Variants in ARHGAP32 observed in about 807,000 individuals in gnomAD.
The protein encoded by ARHGAP32 is Rho GTPase activating protein 32.
In ARHGAP32, 51 loss-of-function variants were observed where a neutral mutation model predicts 186.5. The ratio of observed to expected loss-of-function variants is 0.27; its 90% CI spans 0.22 to 0.35. The LOEUF (loss-of-function observed/expected upper bound fraction) is 0.35, where lower values mean the gene tolerates loss of function less well. Ranked by LOEUF, ARHGAP32 falls within the 10% of genes least tolerant of loss-of-function variation. ARHGAP32 has a pLI of 1.00. For synonymous variants in ARHGAP32, 950 were observed against 964.3 expected, an observed-to-expected ratio of 0.99 and a Z score of 0.27; for missense variants, 2,186 against 2,623.5, an observed-to-expected ratio of 0.83 and a Z score of 3.64.
At chr11:129,136,964 T>G (rs1001755531) in intron 2 of ARHGAP32, among the ~76,000 whole-genome samples, 3 of 151,990 alleles carry the variant, frequency 2.0e-5, no homozygotes, top group Non-Finnish European at 2.9e-5. Flanking sequence ...AAGTATAAGG[T>G]TATTCTCTGC....
intron 8 of ARHGAP32, among the ~76,000 whole-genome samples, chr11:129,064,304 A>AT (rs1940615450): frequency 6.6e-6 from 1 of 152,124 alleles, no homozygotes; most frequent in South Asian, 2.1e-4. Flanking sequence ...TTTACAAGAG[A>AT]TTCAATACTT....
rs1050239393 is a variant in ARHGAP32, at chr11:129,242,993, G to A, written c.-5+36153C>T. 7.9e-5 allele frequency among the ~76,000 whole-genome samples: 12 copies of A among 151,892 alleles called. No individual in the cohort carries two copies. In the South Asian group the frequency reaches 8.3e-4, roughly 11 times the overall value. ...CAATGGCTTCATCTACCACCTCTAC[G>A]CATGCAACTTAAGTACAAATCCATA... On this transcript the variant is annotated intron_variant, in intron 1 of 6. Transcript: ENST00000525234.
intron 5 of ARHGAP32, among the ~76,000 whole-genome samples, chr11:129,099,792 G>T (rs1187601143): frequency 6.6e-6 from 1 of 152,164 alleles, no homozygotes; most frequent in East Asian, 1.9e-4. Flanking sequence ...GCAGCCAGGT[G>T]AAACAGCTCC....
At position 129,180,155 on chromosome 11, in the gene ARHGAP32, T is replaced by G. The variant is rs192642135; in HGVS notation, c.116+11928A>C. On this transcript the variant is annotated intron_variant, in intron 1 of 22. Coordinates refer to ENST00000682385, the MANE Select transcript of ARHGAP32 (RefSeq NM_001378024.1). ...AGAAAAAATAAATCAACAATACTAG[T>G]TTTAATATTTTTCATACAATAGACT... Among the ~76,000 whole-genome samples the G allele has an allele frequency of 4.6e-3, 695 of 152,154 alleles. 3 individuals are homozygous for G. Among genetic ancestry groups the G allele is most frequent in the Non-Finnish European group, 7.1e-3 (482 of 67,980 alleles).
chr11:129,224,829 G>A (rs1944757951), intron 1 of ARHGAP32, among the ~76,000 whole-genome samples: 1 of 150,826 alleles, frequency 6.6e-6, no homozygotes, highest in Admixed American at 6.6e-5. Context: ...AATATTTAGA[G>A]GGCCAGGTGG....
At chr11:129,151,107 A>G (rs1356708914) in intron 2 of ARHGAP32, among the ~76,000 whole-genome samples, 1 of 152,158 alleles carries the variant, frequency 6.6e-6, no homozygotes, top group Non-Finnish European at 1.5e-5. Flanking sequence ...CAGACTTTAA[A>G]GCAAAAACAG....
intron 10 of ARHGAP32, among the ~76,000 whole-genome samples, chr11:129,056,187 G>C (rs112176505): frequency 6.6e-6 from 1 of 152,174 alleles, no homozygotes; most frequent in Non-Finnish European, 1.5e-5. Context: ...GGAAGGTATA[G>C]GTGAGGGGAG....
chr11:128,983,975 TA>T (rs1441432981), intron 15 of ARHGAP32, among the ~76,000 whole-genome samples: 1 of 152,126 alleles, frequency 6.6e-6, no homozygotes, highest in Non-Finnish European at 1.5e-5. Flanking sequence ...ATATTGAGAA[TA>T]ATAATTTAGA....
intron 1 of ARHGAP32, among the ~76,000 whole-genome samples, chr11:129,259,504 C>T (rs981957732): frequency 2.0e-5 from 3 of 151,740 alleles, no homozygotes; most frequent in Admixed American, 6.6e-5. Context: ...ACATTTATTA[C>T]TTCACTCATT....
At chr11:129,210,950 C>A (rs534914101) in intron 1 of ARHGAP32, among the ~76,000 whole-genome samples, 1 of 152,234 alleles carries the variant, frequency 6.6e-6, no homozygotes, top group East Asian at 1.9e-4. Flanking sequence ...CTGTTCATGG[C>A]GCTCATTCAT....
chr11:129,110,764 T>C (rs1942188827), intron 5 of ARHGAP32, among the ~76,000 whole-genome samples: 1 of 152,198 alleles, frequency 6.6e-6, no homozygotes, highest in Non-Finnish European at 1.5e-5. Context: ...ATATTACTGA[T>C]TTTTGTATGT....
intron 1 of ARHGAP32, among the ~76,000 whole-genome samples, chr11:129,173,381 A>C (rs1315130367): frequency 6.6e-6 from 1 of 152,076 alleles, no homozygotes; most frequent in Non-Finnish European, 1.5e-5. Flanking sequence ...GCCAAATTTT[A>C]CCAGAGGTAC....
chr11:129,206,920 A>G (rs1169936166), intron 1 of ARHGAP32, among the ~76,000 whole-genome samples: 1 of 151,714 alleles, frequency 6.6e-6, no homozygotes, highest in Non-Finnish European at 1.5e-5. Flanking sequence ...TCACCCCCCA[A>G]CAGGCCCCGG....
chr11:129,000,759 AC>A (rs565218398), intron 11 of ARHGAP32, among the ~76,000 whole-genome samples: 4 of 149,086 alleles, frequency 2.7e-5, no homozygotes, highest in Non-Finnish European at 4.5e-5. Flanking sequence ...CCTATTCCCC[AC>A]CCCCCCACCA....
chr11:129,059,660 C>T (rs934328199), intron 10 of ARHGAP32, among the ~76,000 whole-genome samples: 3 of 151,902 alleles, frequency 2.0e-5, no homozygotes, highest in African/African-American at 7.3e-5. Context: ...CCACCAAGCC[C>T]AGCTAATTTT....
At chr11:129,168,995 T>C (rs1943697809) in intron 1 of ARHGAP32, among the ~76,000 whole-genome samples, 1 of 152,120 alleles carries the variant, frequency 6.6e-6, no homozygotes, top group African/African-American at 2.4e-5. Context: ...TGAAAATGTG[T>C]GGGATACAAC....
intron 18 of ARHGAP32, 107 bp from the exon 19 acceptor site, chr11:128,979,022 A>G (rs952643463): frequency 1.5e-5 from 15 of 1,020,970 alleles, no homozygotes; most frequent in Middle Eastern, 2.4e-4. Context: ...CTGGAGAAGC[A>G]TAAGTGAAAC....
At chr11:129,251,569 T>G (rs1945183235) in intron 1 of ARHGAP32, among the ~76,000 whole-genome samples, 1 of 151,988 alleles carries the variant, frequency 6.6e-6, no homozygotes, top group South Asian at 2.1e-4. Flanking sequence ...CAACAATATA[T>G]GAATTACATA....
At chr11:129,020,850 T>C (rs1382375103) in intron 11 of ARHGAP32, among the ~76,000 whole-genome samples, 1 of 152,022 alleles carries the variant, frequency 6.6e-6, no homozygotes, top group South Asian at 2.1e-4. Flanking sequence ...AGTAGGAAAG[T>C]ACAGAATCAC....
Sources: allele counts gnomAD v4.1 joint callset (sites outside exome capture counted in the v4.1 genomes callset), GRCh38; gene constraint gnomAD v4.1.1; transcripts MANE v1.5; gene names NCBI Gene and HGNC (gene_info 2026-07-23, HGNC 2026-07-21).